KANSL1: variants seen among roughly 807,000 people sequenced by gnomAD.
The protein encoded by KANSL1 is KAT8 regulatory NSL complex subunit 1.
In KANSL1, 22 loss-of-function variants were observed where a neutral mutation model predicts 103.6. The ratio of observed to expected loss-of-function variants is 0.21; its 90% CI spans 0.15 to 0.30. KANSL1 has a LOEUF of 0.30. KANSL1 is among the 10% of genes least tolerant of loss of function. The pLI, the probability that KANSL1 is intolerant of heterozygous loss-of-function variation, is 1.00. For synonymous variants in KANSL1, 600 were observed against 527.6 expected, an observed-to-expected ratio of 1.14 and a Z score of -1.88; for missense variants, 1,337 against 1,399.8, an observed-to-expected ratio of 0.96 and a Z score of 0.72.
chr17:46,045,963 T>A (rs1305844517), intron 7 of KANSL1: 1 of 152,212 alleles, frequency 6.6e-6, no homozygotes. Flanking sequence ...TATGAGACTA[T>A]ACAATTCAAC....
upstream of KANSL1, among the ~76,000 whole-genome samples, chr17:46,194,410 G>A (rs188222939): frequency 3.3e-4 from 51 of 152,332 alleles, no homozygotes; most frequent in Middle Eastern, 3.4e-3. Context: ...TTAAAGTGGT[G>A]GCACCTTATC....
At chr17:46,166,610 A>G (rs2046014481) in intron 2 of KANSL1, among the ~76,000 whole-genome samples, 1 of 152,236 alleles carries the variant, frequency 6.6e-6, no homozygotes, top group African/African-American at 2.4e-5. Context: ...CTGCATCCAT[A>G]GTCTATTTTT....
chr17:46,129,709 A>G (rs904449290), intron 2 of KANSL1, among the ~76,000 whole-genome samples: 1 of 152,092 alleles, frequency 6.6e-6, no homozygotes, highest in African/African-American at 2.4e-5. Context: ...TACTCTAAGT[A>G]TTTGCAAAAT....
rs758333951 is a variant in KANSL1, at chr17:46,032,067, C to T, written c.3070G>A (p.Glu1024Lys). The T allele has an allele frequency of 1.2e-6, 2 of 1,614,092 alleles. No individual in the cohort carries two copies. The highest frequency in any genetic ancestry group is 2.7e-5 in the African/African-American group (2 of 74,932). The change falls in exon 14 of 15, where the codon GAG becomes AAG. Residue 1024 changes from glutamate to lysine, a missense_variant. Physicochemically the swap from Glu to Lys is moderately conservative, Grantham distance 56. Around this residue, in one of 2 missense-constraint regions of KANSL1, gnomAD observed 780 missense variants for 923.4 expected, o/e 0.84. Coordinates refer to ENST00000432791, the MANE Select transcript of KANSL1 (RefSeq NM_015443.4). The part of the protein sequence containing the change: ...ASEDTRCSTP[E>K]LGLDEQSVQP... ...CTTACCTGTTCATCCAGCCCCAGCT[C>T]TGGTGTGGAACAACGGGTATCCTCA...
intron 2 of KANSL1, among the ~76,000 whole-genome samples, chr17:46,130,567 A>G (rs536640455): frequency 7.9e-5 from 12 of 152,346 alleles, no homozygotes; most frequent in African/African-American, 2.9e-4. Context: ...AACGAAAACA[A>G]AAACAAGAAA....
intron 1 of KANSL1, among the ~76,000 whole-genome samples, chr17:46,209,640 T>G (rs62070907): frequency 0.11 from 17,141 of 150,032 alleles, no homozygotes; most frequent in Non-Finnish European, 0.17. Flanking sequence ...ATTACAGGCA[T>G]GTGCCACCAC....
At position 46,171,427 on chromosome 17, in the gene KANSL1, C is replaced by G. The variant is rs756250182; in HGVS notation, c.717G>C (p.Gln239His). ...ANKSSVNSMEQPALQGSSRLS... is the reference protein window; with the variant it reads ...ANKSSVNSMEHPALQGSSRLS... ...ATCTACTGCTTCCTTGAAGTGCCGGCTGTTCCATGGAATTGACAGAGGATT... is the reference window on the plus strand; with the variant it reads ...ATCTACTGCTTCCTTGAAGTGCCGGGTGTTCCATGGAATTGACAGAGGATT... The change falls in exon 2 of 15, where the codon CAG becomes CAC. Residue 239 changes from glutamine to histidine, a missense_variant. Around this residue, in one of 2 missense-constraint regions of KANSL1, gnomAD observed 557 missense variants for 476.4 expected, o/e 1.17. Transcript: ENST00000432791. 4.3e-6 allele frequency: 7 copies of G among 1,614,012 alleles called. No individual in the cohort carries two copies. In the East Asian group the frequency reaches 1.3e-4, roughly 31 times the overall value.
upstream of KANSL1, among the ~76,000 whole-genome samples, chr17:46,194,980 T>C (rs1213180100): frequency 6.6e-6 from 1 of 152,282 alleles, no homozygotes; most frequent in Non-Finnish European, 1.5e-5. Flanking sequence ...TTTGGAGTCA[T>C]AGGGTCAAAT....
chr17:46,143,598 A>T (rs2147390901), intron 2 of KANSL1, among the ~76,000 whole-genome samples: 1 of 152,104 alleles, frequency 6.6e-6, no homozygotes, highest in Non-Finnish European at 1.5e-5. Flanking sequence ...AGGTCAGGAG[A>T]TTGAGGCCAT....
At chr17:46,058,137 G>C (rs879784509) in intron 6 of KANSL1, among the ~76,000 whole-genome samples, 1 of 152,204 alleles carries the variant, frequency 6.6e-6, no homozygotes. Context: ...ATTCTTGAGA[G>C]GAGGAAGCTT....
intron 2 of KANSL1, among the ~76,000 whole-genome samples, chr17:46,122,193 T>C (rs886085765): frequency 6.6e-6 from 1 of 152,208 alleles, no homozygotes; most frequent in Non-Finnish European, 1.5e-5. Flanking sequence ...TAACTGATTC[T>C]GGAAACACAG....
rs1568374455 is a variant in KANSL1 at position 46,039,078 on chromosome 17, G to A, written c.2341C>T (p.Pro781Ser). Residue 781 changes from proline to serine, a missense_variant, in exon 9 of 15, where the codon CCA becomes TCA. Physicochemically the swap from Pro to Ser is moderately conservative, Grantham distance 74. This residue lies in a region of KANSL1 where 780 missense variants were observed against 923.4 expected (regional missense o/e 0.84). Transcript: ENST00000432791. ...LLNPPPPVHD[P>S]NHSKMRLRDH... ...CGCAATCTCATTTTGCTGTGGTTTG[G>A]GTCATGCACGGGTGGTGGTGGGTTG... 1.2e-6 allele frequency: 2 copies of A among 1,612,070 alleles called. No individual in the cohort carries two copies. Among genetic ancestry groups the A allele is most frequent in the African/African-American group, 1.3e-5 (1 of 74,892 alleles).
chr17:46,185,674 T>TACAC (rs2046987574), intron 1 of KANSL1, among the ~76,000 whole-genome samples: 1 of 134,244 alleles, frequency 7.4e-6, no homozygotes, highest in Non-Finnish European at 1.6e-5. Context: ...TATACACATA[T>TACAC]ATATACACAC....
intron 6 of KANSL1, among the ~76,000 whole-genome samples, chr17:46,064,061 A>C (rs987738479): frequency 3.8e-5 from 5 of 131,844 alleles, no homozygotes; most frequent in African/African-American, 7.4e-5. Context: ...AGTAAAAAAA[A>C]AAAAAAAAAA....
At chr17:46,112,407 G>A (rs891222603) in intron 2 of KANSL1, among the ~76,000 whole-genome samples, 5 of 149,412 alleles carry the variant, frequency 3.3e-5, no homozygotes, top group African/African-American at 7.5e-5. Flanking sequence ...AATCCAGACC[G>A]GGAGTGGTGG....
At chr17:46,144,941 T>C (rs1240856781) in intron 2 of KANSL1, among the ~76,000 whole-genome samples, 1 of 152,226 alleles carries the variant, frequency 6.6e-6, no homozygotes, top group Non-Finnish European at 1.5e-5. Context: ...TATCAAGATA[T>C]ATATTAATTT....
intron 2 of KANSL1, among the ~76,000 whole-genome samples, chr17:46,166,213 C>CCAAAAAAAAAAAAAAAAA (rs1555573289): frequency 2.1e-5 from 2 of 95,098 alleles, no homozygotes; most frequent in African/African-American, 4.5e-5. Context: ...GACTCTGTCT[C>CCAAAAAAAAAAAAAAAAA]AAAAAAAAAA....
At chr17:46,074,953 C>T (rs777802890) in intron 4 of KANSL1, among the ~76,000 whole-genome samples, 123 of 152,096 alleles carry the variant, frequency 8.1e-4, no homozygotes, top group Non-Finnish European at 1.5e-3. Flanking sequence ...GAGAAGGGTA[C>T]AGTATCTTCT....
chr17:46,154,238 G>A (rs1349381081), intron 2 of KANSL1, among the ~76,000 whole-genome samples: 1 of 152,174 alleles, frequency 6.6e-6, no homozygotes, highest in Non-Finnish European at 1.5e-5. Context: ...TAAATTATAC[G>A]TTACTGGCAA....
Sources: gnomAD v4.1 joint callset for allele counts (sites outside exome capture counted in the v4.1 genomes callset) on GRCh38, gnomAD v4.1.1 for gene constraint, gnomAD v4.1.1 regional missense constraint, MANE v1.5 for transcripts, NCBI Gene and HGNC (gene_info 2026-07-23, HGNC 2026-07-21) for gene names.